The following GRM8 variants were observed in gnomAD, a reference collection of about 807,000 sequenced individuals.
GRM8 encodes glutamate metabotropic receptor 8.
A neutral mutation model predicts 87.2 loss-of-function variants in GRM8; 47 were observed. The observed-to-expected ratio is 0.54, with a 90% CI of 0.43 to 0.69. The LOEUF (loss-of-function observed/expected upper bound fraction) is 0.69, where lower values mean the gene tolerates loss of function less well. GRM8 is among the 30% of genes least tolerant of loss of function. The probability of loss-of-function intolerance (pLI) is 0.00; values close to 1 mark genes in which losing one functional copy is unlikely to be tolerated. For missense variants in GRM8, 1,019 were observed against 1,139.2 expected, an observed-to-expected ratio of 0.89 and a Z score of 1.52; for synonymous variants, 396 against 404.5, an observed-to-expected ratio of 0.98 and a Z score of 0.25.
At chr7:126,707,084 G>T (rs1013545091) in intron 7 of GRM8, among the ~76,000 whole-genome samples, 1 of 151,964 alleles carries the variant, frequency 6.6e-6, no homozygotes, top group African/African-American at 2.4e-5. Context: ...TGGGCAGATC[G>T]CTTGAGTCCA....
intron 9 of GRM8, among the ~76,000 whole-genome samples, chr7:126,520,603 A>G (rs1420811213): frequency 2.0e-5 from 3 of 152,158 alleles, no homozygotes; most frequent in African/African-American, 4.8e-5. Context: ...TAAAGAAGAC[A>G]AAGAAACAAA....
At position 127,243,388 on chromosome 7, in the gene GRM8, T is replaced by C; in HGVS notation, c.-184A>G. The C allele has an allele frequency of 5.2e-6, 3 of 572,062 alleles. No individual in the cohort carries two copies. In the South Asian group the frequency reaches 7.6e-5, roughly 14 times the overall value. 35.4% of individuals were successfully genotyped at this position (572,062 alleles called of 1,614,324 possible). ...GTGAATTTCCATCAGACCCCTAAGG[T>C]TCAATTTTATTTCCTTATAAGATCA... On this transcript the variant is annotated 5_prime_UTR_variant, in exon 2 of 11. Coordinates refer to ENST00000339582, the MANE Select transcript of GRM8 (RefSeq NM_000845.3).
At position 126,603,252 on chromosome 7, in the gene GRM8, A is replaced by G. The variant is rs539206376; in HGVS notation, c.1494+6110T>C. On this transcript the variant is annotated intron_variant, in intron 8 of 10. Transcript: ENST00000339582. Reference sequence around the variant, plus strand: ...GACGTATTTCAAAATAATAAGAGCTATCTATGACAAACCCACAGCCAATAT... The same window carrying G: ...GACGTATTTCAAAATAATAAGAGCTGTCTATGACAAACCCACAGCCAATAT... Among the ~76,000 whole-genome samples, 634 of 146,740 alleles carry G rather than the reference A, an allele frequency of 4.3e-3. 4 individuals are homozygous for G. Among genetic ancestry groups the G allele is most frequent in the Middle Eastern group, 0.014 (4 of 288 alleles).
At chr7:127,120,015 G>A (rs930275439) in intron 2 of GRM8, among the ~76,000 whole-genome samples, 3 of 152,074 alleles carry the variant, frequency 2.0e-5, no homozygotes, top group African/African-American at 7.2e-5. Context: ...TGTCCAACAG[G>A]TATCTCAAAA....
At chr7:127,189,356 A>T (rs1052053189) in intron 2 of GRM8, among the ~76,000 whole-genome samples, 3 of 152,084 alleles carry the variant, frequency 2.0e-5, no homozygotes, top group African/African-American at 7.2e-5. Flanking sequence ...CCAGAGGGGG[A>T]TGGGCATCAT....
intron 3 of GRM8, among the ~76,000 whole-genome samples, chr7:127,071,443 G>A (rs1315607277): frequency 1.3e-5 from 2 of 152,110 alleles, no homozygotes; most frequent in African/African-American, 4.8e-5. Context: ...CCTTCTTTGT[G>A]CATGGATGTC....
chr7:126,715,833 A>G (rs564983560), intron 7 of GRM8, among the ~76,000 whole-genome samples: 1 of 152,260 alleles, frequency 6.6e-6, no homozygotes, highest in East Asian at 1.9e-4. Flanking sequence ...CTATCTTTTC[A>G]AATACCCTTT....
At chr7:126,652,024 C>T (rs766461209) in intron 7 of GRM8, among the ~76,000 whole-genome samples, 16 of 152,170 alleles carry the variant, frequency 1.1e-4, no homozygotes, top group South Asian at 2.1e-4. Context: ...ATACCAGCTA[C>T]GACCATGTGA....
At chr7:126,466,389 A>AC (rs928006717) in intron 9 of GRM8, among the ~76,000 whole-genome samples, 1 of 151,980 alleles carries the variant, frequency 6.6e-6, no homozygotes, top group African/African-American at 2.4e-5. Context: ...AGTTGAAAAA[A>AC]GAAAGATTAT....
chr7:127,137,495 G>A (rs1828009727), intron 2 of GRM8, among the ~76,000 whole-genome samples: 1 of 152,064 alleles, frequency 6.6e-6, no homozygotes, highest in Non-Finnish European at 1.5e-5. Flanking sequence ...ATTGCAGTTG[G>A]CTCCTCCTGT....
intron 6 of GRM8, among the ~76,000 whole-genome samples, chr7:126,878,186 A>G (rs537425768): frequency 8.6e-4 from 131 of 152,340 alleles, no homozygotes; most frequent in Admixed American, 4.5e-3. Flanking sequence ...TTTGTGAATG[A>G]GTGAATAGAT....
At chr7:126,916,123 G>T (rs966413093) in intron 3 of GRM8, among the ~76,000 whole-genome samples, 1 of 152,110 alleles carries the variant, frequency 6.6e-6, no homozygotes, top group South Asian at 2.1e-4. Flanking sequence ...CCAGCCCATT[G>T]CCTGGAAAAA....
At chr7:126,784,924 A>G (rs1820472206) in intron 6 of GRM8, among the ~76,000 whole-genome samples, 1 of 152,228 alleles carries the variant, frequency 6.6e-6, no homozygotes, top group Non-Finnish European at 1.5e-5. Context: ...AGATGAAGAT[A>G]TAAACGTGTT....
intron 8 of GRM8, among the ~76,000 whole-genome samples, chr7:126,547,322 A>G (rs989849720): frequency 1.3e-5 from 2 of 152,192 alleles, no homozygotes; most frequent in Non-Finnish European, 2.9e-5. Flanking sequence ...TTTTTCCCCA[A>G]TGCATGGAGA....
intron 10 of GRM8, 167 bp downstream of exon 10, chr7:126,445,959 C>A: frequency 1.3e-6 from 1 of 756,758 alleles, no homozygotes; most frequent in Non-Finnish European, 2.2e-6. Context: ...ATCTTGAGAC[C>A]ATTTGCTTCG....
chr7:126,583,541 G>A (rs1433912397), intron 8 of GRM8, among the ~76,000 whole-genome samples: 2 of 152,072 alleles, frequency 1.3e-5, no homozygotes, highest in Non-Finnish European at 2.9e-5. Flanking sequence ...CATTAAAAGA[G>A]GTCAAAATAT....
At chr7:126,735,767 C>T (rs747292623) in intron 7 of GRM8, among the ~76,000 whole-genome samples, 71 of 151,988 alleles carry the variant, frequency 4.7e-4, no homozygotes, top group Non-Finnish European at 9.0e-4. Context: ...AATTCAAAAG[C>T]TCTAATCACA....
intron 6 of GRM8, among the ~76,000 whole-genome samples, chr7:126,830,096 T>C (rs1283009047): frequency 6.6e-6 from 1 of 152,250 alleles, no homozygotes; most frequent in Non-Finnish European, 1.5e-5. Context: ...GGGCTTCCCT[T>C]TGAGGGTAAC....
chr7:126,482,841 T>A (rs949574440), intron 9 of GRM8, among the ~76,000 whole-genome samples: 3 of 151,646 alleles, frequency 2.0e-5, no homozygotes, highest in Admixed American at 6.6e-5. Flanking sequence ...TAGAAAAAAA[T>A]TTTAAAGGGG....
Sources: gnomAD v4.1 joint callset for allele counts (sites outside exome capture counted in the v4.1 genomes callset) on GRCh38, gnomAD v4.1.1 for gene constraint, MANE v1.5 for transcripts, NCBI Gene and HGNC (gene_info 2026-07-23, HGNC 2026-07-21) for gene names.